DPP6: variants seen among roughly 807,000 people sequenced by gnomAD.
The protein encoded by DPP6 is dipeptidyl peptidase like 6.
Under a neutral mutation model 122.6 loss-of-function variants are expected in DPP6, and 69 were observed. The ratio of observed to expected loss-of-function variants is 0.56; its 90% CI spans 0.46 to 0.69. The LOEUF is 0.69. Ranked by LOEUF, DPP6 falls within the 30% of genes least tolerant of loss-of-function variation. DPP6 has a pLI of 0.00. For synonymous variants in DPP6, 418 were observed against 433.1 expected (o/e 0.97, Z 0.43); for missense variants, 928 against 1,116.9 (o/e 0.83, Z 2.41).
chr7:154,163,477 G>C (rs1797080972), intron 1 of DPP6, among the ~76,000 whole-genome samples: 1 of 152,146 alleles, frequency 6.6e-6, no homozygotes, highest in Non-Finnish European at 1.5e-5. Flanking sequence ...TAACCAGATA[G>C]TCGACAATTA....
chr7:154,126,284 T>C (rs1807880241), intron 1 of DPP6, among the ~76,000 whole-genome samples: 1 of 152,178 alleles, frequency 6.6e-6, no homozygotes, highest in Admixed American at 6.5e-5. Context: ...AGGGCTATGA[T>C]GAGTTGACAT....
At chr7:154,496,247 C>T (rs748487618) in intron 3 of DPP6, among the ~76,000 whole-genome samples, 1 of 152,066 alleles carries the variant, frequency 6.6e-6, no homozygotes, top group African/African-American at 2.4e-5. Context: ...AAACATACTA[C>T]ATACACTCCA....
At chr7:154,441,545 A>G (rs1174711731) in intron 1 of DPP6, among the ~76,000 whole-genome samples, 1 of 152,128 alleles carries the variant, frequency 6.6e-6, no homozygotes, top group Non-Finnish European at 1.5e-5. Flanking sequence ...TCCTCTTCAT[A>G]AGGCACAAAG....
chr7:154,532,322 T>G (rs1827899115), intron 3 of DPP6, among the ~76,000 whole-genome samples: 1 of 152,144 alleles, frequency 6.6e-6, no homozygotes. Context: ...TATCAAAATT[T>G]GTGAGACGTC....
At chr7:154,545,607 T>G (rs1829124589) in intron 4 of DPP6, among the ~76,000 whole-genome samples, 1 of 152,162 alleles carries the variant, frequency 6.6e-6, no homozygotes, top group Non-Finnish European at 1.5e-5. Flanking sequence ...TACAAAAATT[T>G]AACACCATCT....
intron 1 of DPP6, among the ~76,000 whole-genome samples, chr7:154,006,443 C>T (rs1305731274): frequency 1.6e-4 from 25 of 152,230 alleles, no homozygotes; most frequent in Non-Finnish European, 2.9e-5. Context: ...TAGATTCTTT[C>T]TGAATGTCCA....
At chr7:154,030,307 A>G (rs1799162882) in intron 1 of DPP6, among the ~76,000 whole-genome samples, 1 of 152,210 alleles carries the variant, frequency 6.6e-6, no homozygotes, top group South Asian at 2.1e-4. Context: ...TAAATATCAG[A>G]AATCGCTCAT....
chr7:154,288,573 A>G (rs778797339), intron 1 of DPP6, among the ~76,000 whole-genome samples: 1 of 152,200 alleles, frequency 6.6e-6, no homozygotes, highest in Non-Finnish European at 1.5e-5. Flanking sequence ...GTGTTGAACA[A>G]TGTCATCATG....
At chr7:154,801,088 G>T (rs1401114764) in intron 12 of DPP6, among the ~76,000 whole-genome samples, 1 of 152,026 alleles carries the variant, frequency 6.6e-6, no homozygotes, top group Non-Finnish European at 1.5e-5. Flanking sequence ...TTGTCTCGGT[G>T]CTGTGTAGAC....
intron 17 of DPP6, among the ~76,000 whole-genome samples, chr7:154,864,046 G>A (rs770918049): frequency 1.3e-5 from 2 of 152,146 alleles, no homozygotes; most frequent in East Asian, 1.9e-4. Flanking sequence ...AATACAGCAG[G>A]AGAGGCCTGG....
intron 5 of DPP6, among the ~76,000 whole-genome samples, chr7:154,596,861 A>T (rs1020131291): frequency 2.0e-5 from 3 of 151,922 alleles, no homozygotes; most frequent in Non-Finnish European, 4.4e-5. Flanking sequence ...TTCTGAAAGG[A>T]ATTATTGTAT....
rs755229934 is a variant in DPP6 at position 154,566,896 on chromosome 7, T to C, written c.607T>C (p.Phe203Leu). The change falls in exon 5 of 26, where the codon TTT (phenylalanine) becomes CTT (leucine). Residue 203 changes from phenylalanine to leucine, a missense_variant. By Grantham distance (22) the Phe-to-Leu change is conservative. Transcript: ENST00000377770. ...EISPDREYAL[F>L]SYNVEPIYQH... ...ATCTCCAGATAGAGAGTATGCACTT[T>C]TTTCATACAATGTGGAACCCGTGAG... 3.1e-6 allele frequency: 5 copies of C among 1,608,644 alleles called. No homozygotes were observed. The highest frequency in any genetic ancestry group is 4.3e-6 in the Non-Finnish European group (5 of 1,176,112).
At chr7:154,165,208 C>T (rs2150716295) in intron 1 of DPP6, among the ~76,000 whole-genome samples, 1 of 145,596 alleles carries the variant, frequency 6.9e-6, no homozygotes, top group South Asian at 2.3e-4. Context: ...TTCCTGTGTC[C>T]ATGTGATCTC....
At chr7:154,608,977 A>C (rs983200885) in intron 5 of DPP6, among the ~76,000 whole-genome samples, 1 of 152,160 alleles carries the variant, frequency 6.6e-6, no homozygotes, top group Non-Finnish European at 1.5e-5. Flanking sequence ...AAGGGTCAAC[A>C]GTTTTAGATC....
At chr7:154,295,350 C>G (rs1327867943) in intron 1 of DPP6, among the ~76,000 whole-genome samples, 2 of 152,190 alleles carry the variant, frequency 1.3e-5, no homozygotes, top group Non-Finnish European at 2.9e-5. Context: ...TACACCCAAG[C>G]TATCCATCAA....
Position 154,223,211 on chromosome 7 carries a change from C to G in DPP6, c.243+170148C>G, listed in dbSNP as rs1368492857. Among the ~76,000 whole-genome samples the G allele has an allele frequency of 2.0e-5, 3 of 149,020 alleles. 1 individual carries two copies. Among genetic ancestry groups the G allele is most frequent in the African/African-American group, 7.7e-5 (3 of 39,020 alleles). On this transcript the variant is annotated intron_variant, in intron 1 of 25. Transcript: ENST00000377770. The stretch of plus-strand genomic sequence containing the variant: ...CAAGGAGAAGCAAAACATTGCAGAC[C>G]GTCTCTACCAGCAGAAGCTCAGCAC...
rs139443705 is a variant in DPP6, at chr7:153,956,962, C to T, written c.51+69228C>T. On this transcript the variant is annotated intron_variant, in intron 1 of 25. Coordinates refer to the DPP6 transcript ENST00000404039. ...ATTTTTAGAGTGTTAAAAAAAATTC[C>T]GAAACCCAGATATGTTCTTAGTTGT... Among the ~76,000 whole-genome samples, 11 of 152,218 alleles carry T rather than the reference C, an allele frequency of 7.2e-5. No individual in the cohort carries two copies. In the East Asian group the frequency reaches 7.7e-4, roughly 11 times the overall value.
chr7:154,280,271 T>C (rs1348547460), intron 1 of DPP6, among the ~76,000 whole-genome samples: 2 of 152,198 alleles, frequency 1.3e-5, no homozygotes, highest in African/African-American at 4.8e-5. Flanking sequence ...TCTATTCCTT[T>C]GGGCTTCATG....
intron 1 of DPP6, among the ~76,000 whole-genome samples, chr7:154,126,813 C>T (rs889559300): frequency 6.6e-6 from 1 of 152,192 alleles, no homozygotes; most frequent in Admixed American, 6.5e-5. Context: ...GCTCATGGGG[C>T]CAGCCCCAGT....
Sources: allele counts gnomAD v4.1 joint callset (sites outside exome capture counted in the v4.1 genomes callset), GRCh38; gene constraint gnomAD v4.1.1; transcripts MANE v1.5; gene names NCBI Gene and HGNC (gene_info 2026-07-23, HGNC 2026-07-21).